HNRNPM: variants seen among roughly 807,000 people sequenced by gnomAD.
HNRNPM encodes heterogeneous nuclear ribonucleoprotein M, also known as CEA receptor.
Under a neutral mutation model 73.1 loss-of-function variants are expected in HNRNPM, and 11 were observed. The observed-to-expected ratio is 0.15, with a 90% CI of 0.09 to 0.25. The LOEUF (loss-of-function observed/expected upper bound fraction) is 0.25. HNRNPM is among the 10% of genes least tolerant of loss of function. HNRNPM has a pLI of 1.00. For synonymous variants in HNRNPM, 407 were observed against 355.2 expected (o/e 1.15, Z -1.64); for missense variants, 789 against 1,067.9 (o/e 0.74, Z 3.64).
chr19:8,446,302 ACTCC>A, intron 1 of HNRNPM, among the ~76,000 whole-genome samples: 1 of 151,710 alleles, frequency 6.6e-6, no homozygotes, highest in Non-Finnish European at 1.5e-5. Flanking sequence ...TTAAATACTA[ACTCC>A]CTCCGTTTTC....
At chr19:8,482,330 G>A (rs1459785295) in intron 12 of HNRNPM, among the ~76,000 whole-genome samples, 1 of 152,180 alleles carries the variant, frequency 6.6e-6, no homozygotes, top group Non-Finnish European at 1.5e-5. Flanking sequence ...CCAAGTTGCT[G>A]AGCATATACT....
intron 2 of HNRNPM, among the ~76,000 whole-genome samples, chr19:8,457,850 A>G (rs1471178057): frequency 1.3e-5 from 2 of 152,248 alleles, no homozygotes; most frequent in Non-Finnish European, 2.9e-5. Flanking sequence ...GACTTTATAC[A>G]TAGGAAGAAC....
At chr19:8,447,243 A>G (rs75128921) in intron 1 of HNRNPM, among the ~76,000 whole-genome samples, 6,071 of 144,696 alleles carry the variant, frequency 0.042, 271 homozygotes, top group African/African-American at 0.11. Flanking sequence ...GATATTTTTG[A>G]TAGGGCCTGT....
chr19:8,450,294 A>T (rs925617238), intron 1 of HNRNPM, among the ~76,000 whole-genome samples: 1 of 152,232 alleles, frequency 6.6e-6, no homozygotes, highest in African/African-American at 2.4e-5. Flanking sequence ...TTCCTTGATT[A>T]GAAACTCCAA....
At chr19:8,446,023 C>T (rs1302695082) in intron 1 of HNRNPM, among the ~76,000 whole-genome samples, 1 of 152,092 alleles carries the variant, frequency 6.6e-6, no homozygotes, top group African/African-American at 2.4e-5. Flanking sequence ...CGGTGAAACT[C>T]ATTCATTCTG....
chr19:8,486,000 C>A lies in HNRNPM; in HGVS notation c.1572C>A (p.Arg524=), dbSNP rs1176574975. 2 of 1,606,802 alleles carry A rather than the reference C, an allele frequency of 1.2e-6. No homozygotes were observed. Among genetic ancestry groups the A allele is most frequent in the Non-Finnish European group, 1.7e-6 (2 of 1,179,404 alleles). Residue 524 remains arginine (R), a synonymous_variant, in exon 14 of 16, where the codon CGC becomes CGA. Coordinates refer to ENST00000325495, the MANE Select transcript of HNRNPM (RefSeq NM_005968.5). ...AGCGCATGGGCCCTGCCATCGAGCG[C>A]ATGGGCCTGAGCATGGAGCGCATGG... ...GVERMGPAIE[R]MGLSMERMVP...
intron 10 of HNRNPM, 23 bp from the exon 11 acceptor site, chr19:8,473,641 T>C: frequency 6.8e-7 from 1 of 1,480,754 alleles, no homozygotes; most frequent in South Asian, 1.2e-5. Flanking sequence ...AATTTTAGTT[T>C]GCATTGACTT....
At chr19:8,476,637 T>G (rs2145719576) in intron 12 of HNRNPM, among the ~76,000 whole-genome samples, 1 of 151,688 alleles carries the variant, frequency 6.6e-6, no homozygotes, top group South Asian at 2.1e-4. Context: ...ACAGTGAAAA[T>G]GCTACCCTTT....
At chr19:8,455,745 GTTT>G (rs34467960) in intron 2 of HNRNPM, among the ~76,000 whole-genome samples, 171 bp downstream of exon 2, 1 of 144,118 alleles carries the variant, frequency 6.9e-6, no homozygotes, top group African/African-American at 2.6e-5. Flanking sequence ...TTTGTTTTGT[GTTT>G]TTTTTTTGTT....
chr19:8,476,444 C>A (rs1651825413), intron 12 of HNRNPM, among the ~76,000 whole-genome samples: 1 of 152,036 alleles, frequency 6.6e-6, no homozygotes, highest in African/African-American at 2.4e-5. Context: ...GTTCCCAGGA[C>A]CCACACTCAG....
intron 2 of HNRNPM, among the ~76,000 whole-genome samples, chr19:8,461,285 T>C (rs1012228278): frequency 7.2e-5 from 11 of 152,354 alleles, no homozygotes; most frequent in African/African-American, 2.6e-4. Flanking sequence ...TAATTTTACC[T>C]TGTTTTTCAT....
chr19:8,478,589 G>GT (rs562193200), intron 12 of HNRNPM, among the ~76,000 whole-genome samples: 17 of 152,116 alleles, frequency 1.1e-4, no homozygotes, highest in African/African-American at 3.9e-4. Flanking sequence ...GAGTCAGCTG[G>GT]TTTTTTTTAA....
intron 8 of HNRNPM, among the ~76,000 whole-genome samples, chr19:8,468,029 G>C (rs934531973): frequency 6.7e-6 from 1 of 150,260 alleles, no homozygotes; most frequent in Non-Finnish European, 1.5e-5. Context: ...TCTGTCTCAA[G>C]AAAAAAAAAG....
At chr19:8,471,905 G>T (rs1970166441) in intron 10 of HNRNPM, among the ~76,000 whole-genome samples, 1 of 152,198 alleles carries the variant, frequency 6.6e-6, no homozygotes, top group Admixed American at 6.5e-5. Flanking sequence ...AGGCACGGTG[G>T]CTCACGCCTG....
intron 2 of HNRNPM, among the ~76,000 whole-genome samples, chr19:8,461,067 G>T (rs540558048): frequency 6.6e-6 from 1 of 152,296 alleles, no homozygotes; most frequent in African/African-American, 2.4e-5. Flanking sequence ...AAATTGTACT[G>T]ATCCCTCATA....
intron 1 of HNRNPM, among the ~76,000 whole-genome samples, chr19:8,450,728 T>TTA (rs1555697591): frequency 0.25 from 27,495 of 108,628 alleles, 3,102 homozygotes; most frequent in East Asian, 0.47. Context: ...ATTATTATTA[T>TTA]TTTTTTTTTT....
chr19:8,487,109 C>A, intron 15 of HNRNPM, 34 bp downstream of exon 15: 1 of 1,587,592 alleles, frequency 6.3e-7, no homozygotes, highest in South Asian at 1.1e-5. Flanking sequence ...AGGTGCTTCC[C>A]TCGTGCTTGT....
chr19:8,463,836 C>T (rs900284708), intron 5 of HNRNPM, 150 bp downstream of exon 5: 5 of 605,922 alleles, frequency 8.3e-6, no homozygotes, highest in South Asian at 4.0e-5. Context: ...TCATAGCCTA[C>T]AGCAGCCATT....
chr19:8,445,800 A>G (rs1032802636), intron 1 of HNRNPM, among the ~76,000 whole-genome samples: 19 of 152,198 alleles, frequency 1.2e-4, no homozygotes, highest in African/African-American at 4.1e-4. Flanking sequence ...TAGTGGAGAG[A>G]TGGGATCTGC....
Sources: allele counts gnomAD v4.1 joint callset (sites outside exome capture counted in the v4.1 genomes callset), GRCh38; gene constraint gnomAD v4.1.1; transcripts MANE v1.5; gene names NCBI Gene and HGNC (gene_info 2026-07-23, HGNC 2026-07-21).